Variants in PTPN4 observed in about 807,000 individuals in gnomAD.
The protein encoded by PTPN4 is protein tyrosine phosphatase non-receptor type 4, also known as tyrosine-protein phosphatase non-receptor type 4.
A neutral mutation model predicts 135.5 loss-of-function variants in PTPN4; 49 were observed. The observed-to-expected ratio is 0.36, with a 90% CI of 0.29 to 0.46. The LOEUF (loss-of-function observed/expected upper bound fraction) is 0.46. PTPN4 is among the 20% of genes least tolerant of loss of function. The pLI is 1.00. For missense variants in PTPN4, 860 were observed against 1,101.0 expected, an observed-to-expected ratio of 0.78 and a Z score of 3.10; for synonymous variants, 333 against 369.9, an observed-to-expected ratio of 0.90 and a Z score of 1.14.
chr2:119,780,774 G>A lies in PTPN4; in HGVS notation c.-18+20390G>A, dbSNP rs186373512. Among the ~76,000 whole-genome samples, 476 of 152,166 alleles carry A rather than the reference G, an allele frequency of 3.1e-3. 1 individual carries two copies. Among genetic ancestry groups the A allele is most frequent in the African/African-American group, 0.011 (447 of 41,514 alleles). ...CAGATTTCTCCATTGTAAAGATATC[G>A]TTTCCCCTTTGTAATTAATAAGTAA... On this transcript the variant is annotated intron_variant, in intron 1 of 26. Transcript: ENST00000263708.
chr2:119,973,677 T>TTTTTTTTTTTTTTTTTTC, intron 26 of PTPN4, among the ~76,000 whole-genome samples: 1 of 143,706 alleles, frequency 7.0e-6, no homozygotes, highest in Non-Finnish European at 1.5e-5. Flanking sequence ...TTTTTTTTTT[T>TTTTTTTTTTTTTTTTTTC]TTTTTGGTAA....
chr2:119,976,218 C>T lies in PTPN4; in HGVS notation c.2695-766C>T, dbSNP rs768208636. Among the ~76,000 whole-genome samples, 10 of 151,972 alleles carry T rather than the reference C, an allele frequency of 6.6e-5. No homozygotes were observed. In the South Asian group the frequency reaches 1.5e-3, roughly 22 times the overall value. Reference sequence around the variant, plus strand: ...TTCACCGTGTTAGCCAGGATGGTCTCGATCTCCTGACCTCGTGATCCACCC... The same window carrying T: ...TTCACCGTGTTAGCCAGGATGGTCTTGATCTCCTGACCTCGTGATCCACCC... On this transcript the variant is annotated intron_variant, in intron 26 of 26. Coordinates refer to ENST00000263708, the MANE Select transcript of PTPN4 (RefSeq NM_002830.4).
intron 11 of PTPN4, among the ~76,000 whole-genome samples, chr2:119,918,699 A>C (rs1280389609): frequency 6.6e-6 from 1 of 152,222 alleles, no homozygotes; most frequent in African/African-American, 2.4e-5. Context: ...ACTGTTGGGC[A>C]TTATCTACCA....
intron 5 of PTPN4, among the ~76,000 whole-genome samples, chr2:119,880,729 G>A (rs1364076543): frequency 1.3e-5 from 2 of 151,788 alleles, no homozygotes; most frequent in African/African-American, 4.8e-5. Flanking sequence ...AACCAAAACA[G>A]GCCTGATAGA....
intron 2 of PTPN4, among the ~76,000 whole-genome samples, chr2:119,813,326 C>T (rs1437100164): frequency 6.6e-6 from 1 of 151,934 alleles, no homozygotes; most frequent in Non-Finnish European, 1.5e-5. Flanking sequence ...CGGCTCACCG[C>T]AACCTCCGTC....
At chr2:119,972,076 A>G (rs1679541843) in intron 26 of PTPN4, among the ~76,000 whole-genome samples, 1 of 152,220 alleles carries the variant, frequency 6.6e-6, no homozygotes, top group African/African-American at 2.4e-5. Context: ...CAGGAAATGT[A>G]AATCCGTAAC....
At chr2:119,797,817 A>T (rs1330598461) in intron 1 of PTPN4, among the ~76,000 whole-genome samples, 1 of 152,236 alleles carries the variant, frequency 6.6e-6, no homozygotes, top group Non-Finnish European at 1.5e-5. Context: ...AATTTTAAAT[A>T]TGAAAAAATT....
In PTPN4 at chr2:119,837,751, G is replaced by T. The variant is rs192727916; in HGVS notation, c.139-24785G>T. On this transcript the variant is annotated intron_variant, in intron 2 of 26. Coordinates refer to ENST00000263708, the MANE Select transcript of PTPN4 (RefSeq NM_002830.4). ...ACCCAGACCTGTGACACCCTCTTTG[G>T]GGTTCTTGTGTTCCTGGCATCTCCA... Among the ~76,000 whole-genome samples the T allele has an allele frequency of 1.2e-4, 18 of 152,254 alleles. No individual in the cohort carries two copies. In the East Asian group the frequency reaches 2.3e-3, roughly 20 times the overall value.
At chr2:119,840,357 C>T (rs1411040751) in intron 2 of PTPN4, among the ~76,000 whole-genome samples, 6 of 152,102 alleles carry the variant, frequency 3.9e-5, no homozygotes, top group African/African-American at 1.2e-4. Context: ...TGAGAACATA[C>T]GGTATTTGGT....
At chr2:119,949,082 A>G (rs1679176031) in intron 18 of PTPN4, among the ~76,000 whole-genome samples, 1 of 152,206 alleles carries the variant, frequency 6.6e-6, no homozygotes, top group Admixed American at 6.5e-5. Flanking sequence ...TCAAGGATTC[A>G]GAGAATATTC....
intron 3 of PTPN4, among the ~76,000 whole-genome samples, chr2:119,875,577 G>A (rs770015284): frequency 6.6e-6 from 1 of 152,124 alleles, no homozygotes; most frequent in Non-Finnish European, 1.5e-5. Flanking sequence ...AGATGATTGA[G>A]GAAAGAAGTT....
At chr2:119,840,129 T>C (rs1164748536) in intron 2 of PTPN4, among the ~76,000 whole-genome samples, 2 of 152,246 alleles carry the variant, frequency 1.3e-5, no homozygotes, top group Non-Finnish European at 2.9e-5. Flanking sequence ...ACTTTTGTTT[T>C]AAGTTCAGCG....
intron 2 of PTPN4, among the ~76,000 whole-genome samples, chr2:119,832,448 C>T (rs1181895154): frequency 6.6e-6 from 1 of 151,634 alleles, no homozygotes; most frequent in Non-Finnish European, 1.5e-5. Flanking sequence ...TACTTGTTTT[C>T]TTTATTGTTC....
chr2:119,879,679 G>A (rs556472501), intron 5 of PTPN4, among the ~76,000 whole-genome samples: 15 of 152,298 alleles, frequency 9.8e-5, no homozygotes, highest in Admixed American at 7.8e-4. Context: ...AAGCTTTAAT[G>A]CTTGAGTAGC....
rs377613337 is a variant in PTPN4 at position 119,877,489 on chromosome 2, T to C, written c.315T>C (p.Phe105=). ...LKRGSPYSLN[F]RVKFFVSDPN... is the part of the protein sequence containing the mutation. ...GAGGATCTCCTTACAGTTTGAACTT[T>C]AGAGTCAAATTTTTTGTAAGTGACC... The change falls in exon 5 of 27, where the codon TTT becomes TTC. Residue 105 remains phenylalanine (F), a synonymous_variant. Coordinates refer to ENST00000263708, the MANE Select transcript of PTPN4 (RefSeq NM_002830.4). 130 of 1,610,634 alleles carry C rather than the reference T, an allele frequency of 8.1e-5. No homozygotes were observed. Among genetic ancestry groups the C allele is most frequent in the Non-Finnish European group, 1.1e-4 (124 of 1,178,890 alleles).
intron 8 of PTPN4, among the ~76,000 whole-genome samples, chr2:119,883,729 G>T (rs1381464645): frequency 6.6e-6 from 1 of 152,168 alleles, no homozygotes; most frequent in African/African-American, 2.4e-5. Context: ...GTAAACTGGG[G>T]ATAATAAAAG....
intron 2 of PTPN4, among the ~76,000 whole-genome samples, chr2:119,832,207 C>T (rs1197685024): frequency 6.6e-6 from 1 of 152,118 alleles, no homozygotes; most frequent in Non-Finnish European, 1.5e-5. Flanking sequence ...TAGGTAGGCT[C>T]CCTGGTTTCA....
chr2:119,860,611 G>C (rs1677747898), intron 2 of PTPN4, among the ~76,000 whole-genome samples: 3 of 152,120 alleles, frequency 2.0e-5, no homozygotes, highest in African/African-American at 7.2e-5. Flanking sequence ...TTTGAATTCT[G>C]ACTGGTACCT....
At chr2:119,771,690 T>G (rs1049621654) in intron 1 of PTPN4, 5 of 152,210 alleles carry the variant, frequency 3.3e-5, no homozygotes, top group African/African-American at 1.2e-4. Flanking sequence ...TTAGCGAGTT[T>G]CCCTCTTCTC....
Sources: gnomAD v4.1 joint callset for allele counts (sites outside exome capture counted in the v4.1 genomes callset) on GRCh38, gnomAD v4.1.1 for gene constraint, MANE v1.5 for transcripts, NCBI Gene and HGNC (gene_info 2026-07-23, HGNC 2026-07-21) for gene names.